The following EPHB2 variants were observed in gnomAD, a reference collection of about 807,000 sequenced individuals.
The protein encoded by EPHB2 is EPH receptor B2, also known as ephrin type-B receptor 2.
In EPHB2, 18 loss-of-function variants were observed where a neutral mutation model predicts 96.4. That is an observed-to-expected ratio of 0.19 (90% CI 0.13 to 0.28). The LOEUF (loss-of-function observed/expected upper bound fraction) is 0.28. EPHB2 is among the 10% of genes least tolerant of loss of function. The pLI, the probability that EPHB2 is intolerant of heterozygous loss-of-function variation, is 1.00. For synonymous variants in EPHB2, 506 were observed against 534.1 expected (o/e 0.95, Z 0.72); for missense variants, 989 against 1,355.4 (o/e 0.73, Z 4.25).
intron 3 of EPHB2, among the ~76,000 whole-genome samples, chr1:22,841,337 G>A (rs924454852): frequency 3.9e-5 from 6 of 152,154 alleles, no homozygotes; most frequent in Non-Finnish European, 8.8e-5. Flanking sequence ...GCCTCTTGTT[G>A]TTCCTGTGAT....
At chr1:22,772,606 G>C (rs1644396074) in intron 1 of EPHB2, among the ~76,000 whole-genome samples, 1 of 152,198 alleles carries the variant, frequency 6.6e-6, no homozygotes, top group Non-Finnish European at 1.5e-5. Context: ...CTTTGGGCCA[G>C]TGAACCCAAG....
chr1:22,813,423 G>A (rs1003867164), intron 3 of EPHB2, among the ~76,000 whole-genome samples: 6 of 152,244 alleles, frequency 3.9e-5, no homozygotes, highest in African/African-American at 1.4e-4. Flanking sequence ...TGAGATCAGA[G>A]GCTGAGGGTG....
At chr1:22,726,033 T>C (rs1254407066) in intron 1 of EPHB2, among the ~76,000 whole-genome samples, 1 of 152,138 alleles carries the variant, frequency 6.6e-6, no homozygotes, top group Non-Finnish European at 1.5e-5. Context: ...CTTCTCACAA[T>C]CCCACCCTCC....
intron 13 of EPHB2, among the ~76,000 whole-genome samples, chr1:22,909,709 G>A (rs1265635610): frequency 9.2e-5 from 14 of 152,172 alleles, no homozygotes; most frequent in African/African-American, 3.1e-4. Flanking sequence ...TGGCTAATGC[G>A]GGGTTGAAGC....
chr1:22,737,175 C>T (rs1372133326), intron 1 of EPHB2, among the ~76,000 whole-genome samples: 1 of 152,190 alleles, frequency 6.6e-6, no homozygotes, highest in Non-Finnish European at 1.5e-5. Flanking sequence ...TACTGCCTGC[C>T]TTTCTGTTCC....
At chr1:22,719,821 G>T (rs1379940366) in intron 1 of EPHB2, among the ~76,000 whole-genome samples, 1 of 152,288 alleles carries the variant, frequency 6.6e-6, no homozygotes, top group East Asian at 1.9e-4. Context: ...AAAAGTACAG[G>T]ACTCCACTCC....
chr1:22,896,117 A>G (rs1639552256), intron 8 of EPHB2, among the ~76,000 whole-genome samples: 1 of 152,244 alleles, frequency 6.6e-6, no homozygotes, highest in Non-Finnish European at 1.5e-5. Context: ...AGACTGAACC[A>G]TAAGTTCAGG....
Position 22,784,331 on chromosome 1 carries a change from G to T in EPHB2, c.127-61G>T. On this transcript the variant is annotated intron_variant, in intron 2 of 15. Coordinates refer to ENST00000374630, the MANE Select transcript of EPHB2 (RefSeq NM_017449.5). The surrounding 1 kb of genome is among the most constrained non-coding windows in gnomAD (Gnocchi z 5.1). ...GGCAGAGTCTGTGTCTTCCACCTTAGACTGAGTGTGTGCTGGGGCTGAGCC... is the reference window on the plus strand; with the variant it reads ...GGCAGAGTCTGTGTCTTCCACCTTATACTGAGTGTGTGCTGGGGCTGAGCC... 6.5e-7 allele frequency: 1 copy of T among 1,541,852 alleles called. No individual in the cohort carries two copies.
chr1:22,862,458 G>T (rs907100271), intron 3 of EPHB2, among the ~76,000 whole-genome samples: 2 of 152,210 alleles, frequency 1.3e-5, no homozygotes, highest in African/African-American at 2.4e-5. Context: ...TTACAAATAA[G>T]AAAACTGAGT....
At chr1:22,729,787 C>A (rs944099218) in intron 1 of EPHB2, among the ~76,000 whole-genome samples, 2 of 152,208 alleles carry the variant, frequency 1.3e-5, no homozygotes, top group Non-Finnish European at 2.9e-5. Context: ...CCTCTCCTAC[C>A]AGACCGTCAA....
chr1:22,818,588 C>G (rs1426340727), intron 3 of EPHB2, among the ~76,000 whole-genome samples: 1 of 152,122 alleles, frequency 6.6e-6, no homozygotes, highest in East Asian at 1.9e-4. Context: ...ACAAGGAAAG[C>G]CTGACACCCT....
intron 1 of EPHB2, among the ~76,000 whole-genome samples, chr1:22,751,783 T>C (rs1436034648): frequency 6.6e-6 from 1 of 152,232 alleles, no homozygotes; most frequent in African/African-American, 2.4e-5. Flanking sequence ...GCGGGAATGA[T>C]GTCAGCTCCT....
chr1:22,911,082 G>A (rs1640084002), intron 14 of EPHB2, among the ~76,000 whole-genome samples: 1 of 152,126 alleles, frequency 6.6e-6, no homozygotes, highest in African/African-American at 2.4e-5. Flanking sequence ...AGAGGTTGCA[G>A]TGAGCTGAGA....
At chr1:22,777,416 C>T (rs891817586) in intron 1 of EPHB2, among the ~76,000 whole-genome samples, 5 of 152,136 alleles carry the variant, frequency 3.3e-5, no homozygotes, top group African/African-American at 1.2e-4. Context: ...TCTCAGCAGA[C>T]GTGAGTTCTC....
chr1:22,825,846 A>G (rs769064650), intron 3 of EPHB2, among the ~76,000 whole-genome samples: 1 of 152,250 alleles, frequency 6.6e-6, no homozygotes, highest in Non-Finnish European at 1.5e-5. Context: ...CCAGAGAAGC[A>G]TCTGCCAAGA....
chr1:22,720,669 C>T (rs868028952), intron 1 of EPHB2, among the ~76,000 whole-genome samples: 16 of 114,414 alleles, frequency 1.4e-4, no homozygotes, highest in Non-Finnish European at 2.7e-4. Context: ...TTCCCCCCCC[C>T]CCCCGCCCCA....
chr1:22,919,929 G>A lies in EPHB2; in HGVS notation c.*6359G>A, dbSNP rs1640356727. ...AATTCTTGAAATTTCGAGTCTCATT[G>A]TTCGTTGCTGTTCCCCAGACCTGTG... On this transcript the variant is annotated 3_prime_UTR_variant, in exon 16 of 16. Transcript: ENST00000374630. 6.6e-6 allele frequency: 1 copy of A among 151,992 alleles called. No individual in the cohort carries two copies. The highest frequency in any genetic ancestry group is 1.5e-5 in the Non-Finnish European group (1 of 68,002). The allele number at this position is 151,992 out of a possible 1,614,324, so 9.4% of individuals were successfully genotyped here.
intron 1 of EPHB2, among the ~76,000 whole-genome samples, chr1:22,743,888 C>T (rs1054093261): frequency 2.0e-5 from 3 of 152,218 alleles, no homozygotes; most frequent in African/African-American, 7.2e-5. Context: ...GACTGGGTCC[C>T]ACAAGCTCTA....
intron 3 of EPHB2, among the ~76,000 whole-genome samples, chr1:22,851,855 A>G (rs767352892): frequency 6.6e-6 from 1 of 152,160 alleles, no homozygotes; most frequent in Non-Finnish European, 1.5e-5. Flanking sequence ...AGCCCTGCAC[A>G]CAGATGGCCT....
Sources: gnomAD v4.1 joint callset for allele counts (sites outside exome capture counted in the v4.1 genomes callset) on GRCh38, gnomAD v4.1.1 for gene constraint, Gnocchi (gnomAD v3.1) non-coding constraint, MANE v1.5 for transcripts, NCBI Gene and HGNC (gene_info 2026-07-23, HGNC 2026-07-21) for gene names.